TENM2: variants seen among roughly 807,000 people sequenced by gnomAD.
The protein encoded by TENM2 is teneurin transmembrane protein 2.
TENM2 carries 52 observed loss-of-function variants against 245.2 expected under a neutral mutation model. That is an observed-to-expected ratio of 0.21 (90% CI 0.17 to 0.27). The LOEUF is 0.27. Ranked by LOEUF, TENM2 falls within the 10% of genes least tolerant of loss-of-function variation. The pLI is 1.00. For synonymous variants in TENM2, 1,363 were observed against 1,438.9 expected (o/e 0.95, Z 1.19); for missense variants, 3,046 against 3,666.8 (o/e 0.83, Z 4.37).
At chr5:167,638,903 C>T (rs949108663) in intron 2 of TENM2, among the ~76,000 whole-genome samples, 1 of 152,196 alleles carries the variant, frequency 6.6e-6, no homozygotes, top group Non-Finnish European at 1.5e-5. Flanking sequence ...AAAAATACTC[C>T]TTGCTCACAT....
chr5:167,798,120 A>G (rs1765450304), intron 2 of TENM2, among the ~76,000 whole-genome samples: 1 of 152,200 alleles, frequency 6.6e-6, no homozygotes, highest in South Asian at 2.1e-4. Context: ...TTAAGTTTCC[A>G]TTTATTCAAG....
intron 3 of TENM2, among the ~76,000 whole-genome samples, chr5:167,893,881 C>T (rs942356175): frequency 2.0e-5 from 3 of 152,064 alleles, no homozygotes; most frequent in South Asian, 2.1e-4. Context: ...AAGATCCAAG[C>T]AATTATGCCT....
Position 167,481,892 on chromosome 5 carries a change from T to A in TENM2, c.502+106419T>A, listed in dbSNP as rs113833424. ...GGCATTTGTTTTCTTTCTTGTTATG[T>A]GAGTATGCATATATTACCGTCAATT... is the stretch of plus-strand genomic sequence containing the variant. On this transcript the variant is annotated intron_variant, in intron 2 of 28. Coordinates refer to ENST00000518659, the Ensembl canonical transcript of TENM2. Among the ~76,000 whole-genome samples the A allele has an allele frequency of 2.0e-3, 303 of 152,372 alleles. 2 individuals carry two copies. Among genetic ancestry groups the A allele is most frequent in the African/African-American group, 7.0e-3 (291 of 41,588 alleles).
intron 2 of TENM2, among the ~76,000 whole-genome samples, chr5:167,867,431 T>G (rs1228981740): frequency 1.3e-5 from 2 of 152,184 alleles, no homozygotes; most frequent in African/African-American, 4.8e-5. Flanking sequence ...CTTGAGCTCC[T>G]CCTGCAAGAG....
At chr5:167,134,960 A>G in the TENM2 span, among the ~76,000 whole-genome samples, 1 of 152,254 alleles carries the variant, frequency 6.6e-6, no homozygotes, top group African/African-American at 2.4e-5. Flanking sequence ...TAACGATGGT[A>G]TATTAAGGCC....
chr5:167,842,101 C>G (rs758903543), intron 2 of TENM2, among the ~76,000 whole-genome samples: 1 of 152,044 alleles, frequency 6.6e-6, no homozygotes, highest in South Asian at 2.1e-4. Context: ...GCTCACTGCT[C>G]TTACTGCCCA....
At chr5:167,067,717 A>C in the TENM2 span, among the ~76,000 whole-genome samples, 2 of 152,168 alleles carry the variant, frequency 1.3e-5, no homozygotes, top group Non-Finnish European at 2.9e-5. Context: ...TGCTCTGCTC[A>C]TTCATCTCTA....
At chr5:167,267,115 A>G in the TENM2 span, among the ~76,000 whole-genome samples, 1 of 152,108 alleles carries the variant, frequency 6.6e-6, no homozygotes, top group African/African-American at 2.4e-5. Context: ...GTGCTGGTGA[A>G]CCTAGGAAGG....
chr5:168,162,968 C>G (rs1757887657), intron 13 of TENM2, among the ~76,000 whole-genome samples: 1 of 152,226 alleles, frequency 6.6e-6, no homozygotes, highest in Non-Finnish European at 1.5e-5. Flanking sequence ...GGGGTTGATA[C>G]TGGCTGAGAA....
intron 2 of TENM2, among the ~76,000 whole-genome samples, chr5:167,807,161 A>C (rs1766261284): frequency 6.9e-6 from 1 of 145,390 alleles, no homozygotes; most frequent in Admixed American, 6.9e-5. Context: ...AAAAAAGAAG[A>C]AGAAGAAGTT....
chr5:168,149,139 C>T (rs2070102306), intron 12 of TENM2, among the ~76,000 whole-genome samples: 1 of 152,042 alleles, frequency 6.6e-6, no homozygotes, highest in Non-Finnish European at 1.5e-5. Context: ...TTAAGAAAGG[C>T]GAGGCATTCA....
intron 1 of TENM2, among the ~76,000 whole-genome samples, chr5:167,358,423 C>T (rs1399273230): frequency 6.6e-6 from 1 of 151,896 alleles, no homozygotes; most frequent in Non-Finnish European, 1.5e-5. Flanking sequence ...TCCATTCTAC[C>T]ATACACTCGT....
intron 2 of TENM2, among the ~76,000 whole-genome samples, chr5:167,473,752 T>C (rs1380575184): frequency 2.0e-5 from 3 of 152,200 alleles, no homozygotes; most frequent in African/African-American, 7.2e-5. Flanking sequence ...TTGTGTGATA[T>C]TGGACACATC....
the TENM2 span, among the ~76,000 whole-genome samples, chr5:167,059,392 C>T: frequency 0.61 from 92,004 of 152,000 alleles, 30,227 homozygotes; most frequent in African/African-American, 0.88. Flanking sequence ...CCTATTTATT[C>T]CATTATGTAG....
At chr5:167,293,919 A>T (rs1378455287) in intron 1 of TENM2, among the ~76,000 whole-genome samples, 1 of 151,594 alleles carries the variant, frequency 6.6e-6, no homozygotes, top group Non-Finnish European at 1.5e-5. Flanking sequence ...CCATGATACC[A>T]TTGTTTGTTC....
At chr5:168,203,033 T>A (rs1354656677) in intron 17 of TENM2, among the ~76,000 whole-genome samples, 1 of 152,196 alleles carries the variant, frequency 6.6e-6, no homozygotes, top group Non-Finnish European at 1.5e-5. Flanking sequence ...TGTCCTTCAT[T>A]TCCACCTCTC....
chr5:168,017,525 G>T lies in TENM2; in HGVS notation c.1186+24343G>T, dbSNP rs568433187. ...TGTGTGGTGAACTTTCCCCACTCTG[G>T]GTGTGGCTGGTCAGTCTCTTACAGT... On this transcript the variant is annotated intron_variant, in intron 5 of 28. Transcript: ENST00000518659. Among the ~76,000 whole-genome samples the T allele has an allele frequency of 1.4e-4, 21 of 152,236 alleles. No individual in the cohort carries two copies. In the South Asian group the frequency reaches 4.4e-3, roughly 32 times the overall value.
At chr5:167,326,693 T>TAATA (rs890325129) in intron 1 of TENM2, among the ~76,000 whole-genome samples, 7 of 123,544 alleles carry the variant, frequency 5.7e-5, no homozygotes, top group South Asian at 2.6e-4. Flanking sequence ...ATAATTATAA[T>TAATA]AATAAATAAA....
At chr5:167,706,186 A>C (rs1480619758) in intron 2 of TENM2, among the ~76,000 whole-genome samples, 1 of 146,232 alleles carries the variant, frequency 6.8e-6, no homozygotes, top group Admixed American at 6.9e-5. Context: ...TATGCATAGT[A>C]TAATCATATA....
Sources: allele counts gnomAD v4.1 joint callset (sites outside exome capture counted in the v4.1 genomes callset), GRCh38; gene constraint gnomAD v4.1.1; transcripts MANE v1.5; gene names NCBI Gene and HGNC (gene_info 2026-07-23, HGNC 2026-07-21).